TP63: variants seen among roughly 807,000 people sequenced by gnomAD.
The protein encoded by TP63 is tumor protein 63.
TP63 carries 17 observed loss-of-function variants against 82.8 expected under a neutral mutation model. The ratio of observed to expected loss-of-function variants is 0.21; its 90% CI spans 0.14 to 0.31. The LOEUF is 0.31. Among genes scored for constraint, TP63 ranks in the 10% least tolerant of loss-of-function variants. TP63 has a pLI of 1.00. For missense variants in TP63, 648 were observed against 895.3 expected (o/e 0.72, Z 3.52); for synonymous variants, 330 against 321.7 (o/e 1.03, Z -0.28).
chr3:189,835,272 A>C (rs867097592), intron 4 of TP63, among the ~76,000 whole-genome samples: 8 of 152,160 alleles, frequency 5.3e-5, no homozygotes, highest in African/African-American at 1.9e-4. Flanking sequence ...TTAAACTCCT[A>C]ATGATAAAAG....
intron 3 of TP63, among the ~76,000 whole-genome samples, chr3:189,768,284 T>A (rs1171359289): frequency 1.3e-5 from 2 of 152,152 alleles, no homozygotes; most frequent in African/African-American, 4.8e-5. Context: ...ATTTACTTTT[T>A]TAGGTCAGTC....
rs1450045059 is a variant in TP63 at position 189,788,816 on chromosome 3, T to G, written c.325-19456T>G. Among the ~76,000 whole-genome samples the G allele has an allele frequency of 3.3e-5, 5 of 151,942 alleles. No individual in the cohort carries two copies. In the East Asian group the frequency reaches 9.6e-4, roughly 29 times the overall value. Reference sequence around the variant, plus strand: ...GCTTTAATACTTATTCCACTAATCATTTACATAGATGCATCACGTGCAGTA... The same window carrying G: ...GCTTTAATACTTATTCCACTAATCAGTTACATAGATGCATCACGTGCAGTA... On this transcript the variant is annotated intron_variant, in intron 3 of 13. Coordinates refer to ENST00000264731, the MANE Select transcript of TP63 (RefSeq NM_003722.5).
At position 189,824,325 on chromosome 3, in the gene TP63, C is replaced by T. The variant is rs183930561; in HGVS notation, c.579+15799C>T. Among the ~76,000 whole-genome samples the T allele has an allele frequency of 9.0e-4, 137 of 151,972 alleles. 1 individual carries two copies. The highest frequency in any genetic ancestry group is 3.0e-3 in the African/African-American group (123 of 41,464). ...TCTGCCTCCTGGGTTCGAGCCATTC[C>T]GGATTCGAGCCATTCTCCTGCCTCA... On this transcript the variant is annotated intron_variant, in intron 4 of 13. Transcript: ENST00000264731.
At chr3:189,648,128 G>T (rs140289783) in intron 1 of TP63, among the ~76,000 whole-genome samples, 1 of 147,030 alleles carries the variant, frequency 6.8e-6, no homozygotes, top group East Asian at 2.4e-4. Context: ...AACATTTAAA[G>T]AAACCAAAAA....
In TP63 at chr3:189,772,246, A is replaced by C. The variant is rs1405949785; in HGVS notation, c.324+33472A>C. On this transcript the variant is annotated intron_variant, in intron 3 of 13. Coordinates refer to ENST00000264731, the MANE Select transcript of TP63 (RefSeq NM_003722.5). The stretch of plus-strand genomic sequence containing the variant: ...TCACTCACTTAGAATGTCACTGCTC[A>C]AACTGGCTTTAGAGATCACGTACTA... Among the ~76,000 whole-genome samples the C allele has an allele frequency of 3.3e-5, 5 of 152,220 alleles. No homozygotes were observed. The East Asian group carries it at 9.6e-4, about 29-fold the overall frequency.
chr3:189,854,660 GA>G, intron 4 of TP63, among the ~76,000 whole-genome samples: 1 of 152,326 alleles, frequency 6.6e-6, no homozygotes, highest in African/African-American at 2.4e-5. Flanking sequence ...GGATAGAACT[GA>G]AAAATGTCAA....
At chr3:189,880,685 A>C (rs1177160376) in intron 10 of TP63, 1 of 985,354 alleles carries the variant, frequency 1.0e-6, no homozygotes, top group African/African-American at 1.7e-5. Context: ...AATGCTGGTC[A>C]TGTAATAATA....
intron 4 of TP63, chr3:189,844,232 C>T (rs1177520071): frequency 2.4e-6 from 1 of 411,260 alleles, no homozygotes; most frequent in Non-Finnish European, 4.9e-6. Context: ...AGTGCAATGG[C>T]ATGATCTCAG....
At chr3:189,599,920 C>T in the TP63 span, among the ~76,000 whole-genome samples, 1 of 152,110 alleles carries the variant, frequency 6.6e-6, no homozygotes, top group Admixed American at 6.5e-5. Flanking sequence ...ACTTTTATAT[C>T]ATTTGTATGC....
chr3:189,650,609 G>A (rs1211371087), intron 1 of TP63, among the ~76,000 whole-genome samples: 1 of 147,168 alleles, frequency 6.8e-6, no homozygotes, highest in Non-Finnish European at 1.5e-5. Context: ...GGATGCATTT[G>A]CTTCCCATTC....
At position 189,867,895 on chromosome 3, in the gene TP63, G is replaced by C. The variant is rs552912114; in HGVS notation, c.945G>C (p.Gly315=). The stretch of plus-strand genomic sequence containing the variant: ...TGTGTAACAGCAGTTGTGTTGGAGG[G>C]ATGAACCGCCGTCCAATTTTAATCA... ...NFMCNSSCVG[G]MNRRPILIIV... is the part of the protein sequence containing the mutation. The change falls in exon 7 of 14, where the codon GGG becomes GGC. Residue 315 remains glycine, a synonymous_variant. Coordinates refer to ENST00000264731, the MANE Select transcript of TP63 (RefSeq NM_003722.5). The C allele has an allele frequency of 6.2e-7, 1 of 1,614,124 alleles. No individual in the cohort carries two copies. Among genetic ancestry groups the C allele is most frequent in the East Asian group, 2.2e-5 (1 of 44,884 alleles).
intron 1 of TP63, among the ~76,000 whole-genome samples, chr3:189,734,059 TTTTTCTTTC>T (rs1238002784): frequency 2.0e-5 from 3 of 151,896 alleles, no homozygotes; most frequent in African/African-American, 4.8e-5. Context: ...TCTCTCTTTC[TTTTTCTTTC>T]TTTTCTTTCT....
rs73056133 is a variant in TP63, at chr3:189,652,846, C to T, written c.62+21269C>T. 8.5e-3 allele frequency among the ~76,000 whole-genome samples: 1,240 copies of T among 146,698 alleles called. 142 individuals carry two copies. The highest frequency in any genetic ancestry group is 0.029 in the African/African-American group (1,148 of 39,126). On this transcript the variant is annotated intron_variant, in intron 1 of 13. Transcript: ENST00000264731. ...ATAAAGGGTTTGCCACTTTGCTGGGCGCTCATTCTTCTCCTTCCTGTCACC... is the reference window on the plus strand; with the variant it reads ...ATAAAGGGTTTGCCACTTTGCTGGGTGCTCATTCTTCTCCTTCCTGTCACC...
the TP63 span, among the ~76,000 whole-genome samples, chr3:189,598,374 GAGA>G: frequency 2.0e-5 from 3 of 151,918 alleles, no homozygotes; most frequent in East Asian, 1.9e-4. Context: ...GGCGAGGCAA[GAGA>G]AGAAGTAGGG....
At chr3:189,743,937 G>T (rs1577338330) in intron 3 of TP63, among the ~76,000 whole-genome samples, 1 of 152,088 alleles carries the variant, frequency 6.6e-6, no homozygotes, top group Non-Finnish European at 1.5e-5. Context: ...CTAACATAAG[G>T]AGCTGAAGAC....
intron 1 of TP63, among the ~76,000 whole-genome samples, chr3:189,673,894 G>C (rs931161037): frequency 2.0e-5 from 3 of 152,020 alleles, no homozygotes; most frequent in Non-Finnish European, 4.4e-5. Flanking sequence ...GAACTTAATA[G>C]AAGTACAGCA....
intron 1 of TP63, among the ~76,000 whole-genome samples, chr3:189,671,820 T>C (rs546255878): frequency 6.4e-4 from 98 of 152,192 alleles, no homozygotes; most frequent in Non-Finnish European, 6.3e-4. Flanking sequence ...TTCTCACTCA[T>C]ATGTGGGGGC....
At chr3:189,717,417 C>CT (rs1256089036) in intron 1 of TP63, among the ~76,000 whole-genome samples, 4 of 152,128 alleles carry the variant, frequency 2.6e-5, no homozygotes, top group Non-Finnish European at 5.9e-5. Flanking sequence ...AACACAATAA[C>CT]TTTGAATAAT....
chr3:189,809,347 G>A (rs1727282810), intron 4 of TP63, among the ~76,000 whole-genome samples: 1 of 152,070 alleles, frequency 6.6e-6, no homozygotes, highest in Non-Finnish European at 1.5e-5. Flanking sequence ...AGGAAGCATG[G>A]AATTTTCTTT....
Sources: allele counts gnomAD v4.1 joint callset (sites outside exome capture counted in the v4.1 genomes callset), GRCh38; gene constraint gnomAD v4.1.1; transcripts MANE v1.5; gene names NCBI Gene and HGNC (gene_info 2026-07-23, HGNC 2026-07-21).